ZNF737: variants seen among roughly 807,000 people sequenced by gnomAD.
ZNF737 encodes the protein zinc finger protein 737, also known as zinc finger protein 102 (Y3).
ZNF737 carries 13 observed loss-of-function variants against 11.7 expected under a neutral mutation model. The observed-to-expected ratio is 1.11, with a 90% confidence interval of 0.73 to 1.77. The LOEUF (loss-of-function observed/expected upper bound fraction) is 1.77. ZNF737 is among the 40% of genes most tolerant of loss of function. The pLI, the probability that ZNF737 is intolerant of heterozygous loss-of-function variation, is 0.00. For synonymous variants in ZNF737, 217 were observed against 216.2 expected (o/e 1.00, Z -0.03); for missense variants, 636 against 638.0 (o/e 1.00, Z 0.03).
At chr19:20,563,148 T>C (rs1268126037) in intron 1 of ZNF737, among the ~76,000 whole-genome samples, 1 of 23,686 alleles carries the variant, frequency 4.2e-5, no homozygotes. Context: ...AACAACTTCA[T>C]CATCAATAAG....
chr19:20,537,211 C>CT, downstream of ZNF737, among the ~76,000 whole-genome samples: 1 of 130,978 alleles, frequency 7.6e-6, no homozygotes, highest in South Asian at 2.4e-4. Flanking sequence ...TTTTCTTTTT[C>CT]TTTTTTGAGA....
intron 3 of ZNF737, among the ~76,000 whole-genome samples, chr19:20,547,578 T>A (rs1213193430): frequency 6.6e-6 from 1 of 151,926 alleles, no homozygotes; most frequent in Non-Finnish European, 1.5e-5. Context: ...AAACTGAATA[T>A]CAACACTGAT....
intron 1 of ZNF737, among the ~76,000 whole-genome samples, chr19:20,562,845 C>T (rs1969150102): frequency 6.6e-6 from 1 of 152,108 alleles, no homozygotes; most frequent in Middle Eastern, 3.2e-3. Context: ...TCTGAGTCAG[C>T]ATACAACCCC....
rs1200200955 is a variant in ZNF737 at position 20,542,797 on chromosome 19, T to C, written c.*1795A>G. 2.0e-6 allele frequency: 2 copies of C among 985,210 alleles called. No homozygotes were observed. Among genetic ancestry groups the C allele is most frequent in the African/African-American group, 3.5e-5 (2 of 57,228 alleles). 61.0% of individuals were successfully genotyped at this position (985,210 alleles called of 1,614,324 possible). On this transcript the variant is annotated 3_prime_UTR_variant, in exon 4 of 4. Coordinates refer to ENST00000427401, the MANE Select transcript of ZNF737 (RefSeq NM_001159293.2). ...GTCCAAATAATGTAAAAAAATCGAA[T>C]ATCTCTGATGCAGAAGCCACTGATC...
At chr19:20,535,971 G>A (rs1440517396), downstream of ZNF737, 1 of 634,844 alleles carries the variant, frequency 1.6e-6, no homozygotes, top group Non-Finnish European at 2.0e-6. Context: ...TTTTTCAGGG[G>A]TTATATTTTC....
intron 1 of ZNF737, among the ~76,000 whole-genome samples, chr19:20,562,557 C>T (rs1396340261): frequency 6.6e-6 from 1 of 151,550 alleles, no homozygotes; most frequent in Non-Finnish European, 1.5e-5. Flanking sequence ...GGGGTTTCTC[C>T]ATGTTGGTCA....
chr19:20,531,722 T>C (rs1185552763), downstream of ZNF737, among the ~76,000 whole-genome samples: 2 of 150,020 alleles, frequency 1.3e-5, 1 homozygote, highest in Non-Finnish European at 3.0e-5. Flanking sequence ...CCTCTCAAAG[T>C]GCTGGGCTTA....
chr19:20,541,483 G>A lies in ZNF737; in HGVS notation c.*3109C>T, dbSNP rs1367729439. Reference sequence around the variant, plus strand: ...ATTTTTTGAGATGGAGACTCACTCTGTCAGCCAGGCTGGAGTGCAGTGGCA... The same window carrying A: ...ATTTTTTGAGATGGAGACTCACTCTATCAGCCAGGCTGGAGTGCAGTGGCA... On this transcript the variant is annotated 3_prime_UTR_variant, in exon 4 of 4. Transcript: ENST00000427401. 5 of 835,430 alleles carry A rather than the reference G, an allele frequency of 6.0e-6. No homozygotes were observed. The highest frequency in any genetic ancestry group is 7.2e-6 in the Non-Finnish European group (5 of 693,652). 51.8% of individuals were successfully genotyped at this position (835,430 alleles called of 1,614,324 possible).
chr19:20,541,453 AT>A lies in ZNF737; in HGVS notation c.*3138del. 3 of 960,566 alleles carry A rather than the reference AT, an allele frequency of 3.1e-6. No individual in the cohort carries two copies. Among genetic ancestry groups the A allele is most frequent in the Non-Finnish European group, 3.7e-6 (3 of 807,752 alleles). The allele number at this position is 960,566 out of a possible 1,614,324, so 59.5% of individuals were successfully genotyped here. A position where few individuals can be genotyped will look rare whatever the true frequency, so the allele number is the denominator to read the frequency against. On this transcript the variant is annotated 3_prime_UTR_variant, in exon 4 of 4. Coordinates refer to ENST00000427401, the MANE Select transcript of ZNF737 (RefSeq NM_001159293.2). ...TCAGAAATGTATGGATTTTATTTTT[AT>A]TTTATTTTTTGAGATGGAGACTCAC...
intron 1 of ZNF737, among the ~76,000 whole-genome samples, chr19:20,562,405 G>C (rs1460271503): frequency 2.1e-5 from 3 of 144,978 alleles, no homozygotes; most frequent in African/African-American, 7.7e-5. Context: ...GCACTGGTGT[G>C]ATCTCGGCTC....
chr19:20,532,484 G>A (rs1457054258), downstream of ZNF737, among the ~76,000 whole-genome samples: 1 of 149,852 alleles, frequency 6.7e-6, no homozygotes, highest in Non-Finnish European at 1.5e-5. Context: ...TATATGTACA[G>A]AAAGAAGCCT....
chr19:20,534,509 C>CTT (rs1967911896), downstream of ZNF737, among the ~76,000 whole-genome samples: 1 of 149,144 alleles, frequency 6.7e-6, no homozygotes, highest in Non-Finnish European at 1.5e-5. Context: ...AGGATGATAA[C>CTT]TTGAAGTATT....
chr19:20,558,407 A>G (rs1335659811), intron 1 of ZNF737, among the ~76,000 whole-genome samples: 1 of 152,196 alleles, frequency 6.6e-6, no homozygotes. Flanking sequence ...GGACACATCT[A>G]TGTATTGCAC....
Position 20,541,477 on chromosome 19 carries a change from C to CA in ZNF737, c.*3114dup. On this transcript the variant is annotated 3_prime_UTR_variant, in exon 4 of 4. Coordinates refer to ENST00000427401, the MANE Select transcript of ZNF737 (RefSeq NM_001159293.2). ...TATTTTATTTTTTGAGATGGAGACT[C>CA]ACTCTGTCAGCCAGGCTGGAGTGCA... The CA allele has an allele frequency of 1.1e-6, 1 of 887,364 alleles. No individual in the cohort carries two copies. Among genetic ancestry groups the CA allele is most frequent in the Non-Finnish European group, 1.3e-6 (1 of 741,492 alleles). The allele number at this position is 887,364 out of a possible 1,614,324, so 55.0% of individuals were successfully genotyped here.
chr19:20,545,779 T>C lies in ZNF737; in HGVS notation c.424A>G (p.Ser142Gly). ...TATTTATCACACTGAAATATTTTGC[T>C]TTGAGTAGTTGTCAAATATTGGTTA... is the stretch of plus-strand genomic sequence containing the variant. ...GLNQYLTTTQ[S>G]KIFQCDKYVK... Residue 142 changes from serine (S) to glycine (G), a missense_variant, in exon 4 of 4, where the codon AGC (serine) becomes GGC (glycine). Coordinates refer to ENST00000427401, the MANE Select transcript of ZNF737 (RefSeq NM_001159293.2). The C allele has an allele frequency of 6.2e-7, 1 of 1,613,170 alleles. No individual in the cohort carries two copies.
Position 20,541,382 on chromosome 19 carries a change from A to G in ZNF737, c.*3210T>C, listed in dbSNP as rs191637959. On this transcript the variant is annotated 3_prime_UTR_variant, in exon 4 of 4. Coordinates refer to ENST00000427401, the MANE Select transcript of ZNF737 (RefSeq NM_001159293.2). Reference sequence around the variant, plus strand: ...CTATGTGTTTGCAGGCAGAGACCACATGTTCAAGGAAAACTATATTACAAG... The same window carrying G: ...CTATGTGTTTGCAGGCAGAGACCACGTGTTCAAGGAAAACTATATTACAAG... 2,520 of 983,756 alleles carry G rather than the reference A, an allele frequency of 2.6e-3. 2 individuals are homozygous for G. Among genetic ancestry groups the G allele is most frequent in the Non-Finnish European group, 2.9e-3 (2,371 of 828,424 alleles). 60.9% of individuals were successfully genotyped at this position (983,756 alleles called of 1,614,324 possible). A position where few individuals can be genotyped will look rare whatever the true frequency, so the allele number is the denominator to read the frequency against.
intron 1 of ZNF737, among the ~76,000 whole-genome samples, chr19:20,555,020 G>A (rs1368955814): frequency 6.6e-6 from 1 of 150,968 alleles, no homozygotes; most frequent in East Asian, 2.0e-4. Flanking sequence ...CTGCCACCAC[G>A]CCCGGCTAGT....
At chr19:20,559,488 G>GA (rs34758226) in intron 1 of ZNF737, among the ~76,000 whole-genome samples, 115,655 of 151,816 alleles carry the variant, frequency 0.76, 44,130 homozygotes, top group East Asian at 0.82. Context: ...AGAAGTACTT[G>GA]AAAAAAATGC....
At chr19:20,548,992 C>CT (rs1165194370) in intron 3 of ZNF737, among the ~76,000 whole-genome samples, 4 of 92,282 alleles carry the variant, frequency 4.3e-5, no homozygotes, top group African/African-American at 1.9e-4. Flanking sequence ...AATTATGTAT[C>CT]TTTTTGAAAT....
Sources: allele counts gnomAD v4.1 joint callset (sites outside exome capture counted in the v4.1 genomes callset), GRCh38; gene constraint gnomAD v4.1.1; transcripts MANE v1.5; gene names NCBI Gene and HGNC (gene_info 2026-07-23, HGNC 2026-07-21).